Variants in CYP39A1 observed in about 807,000 individuals in gnomAD.
CYP39A1 encodes 24-hydroxycholesterol 7-alpha-hydroxylase.
In CYP39A1, 49 loss-of-function variants were observed where a neutral mutation model predicts 58.1. The ratio of observed to expected loss-of-function variants is 0.84; its 90% CI spans 0.67 to 1.07. The LOEUF is 1.07. CYP39A1 is among the 50% of genes least tolerant of loss of function. The pLI is 0.00. For missense variants in CYP39A1, 531 were observed against 539.4 expected (o/e 0.98, Z 0.16); for synonymous variants, 209 against 187.6 (o/e 1.11, Z -0.93).
intron 10 of CYP39A1, among the ~76,000 whole-genome samples, chr6:46,565,131 G>T (rs1771208492): frequency 6.6e-6 from 1 of 152,114 alleles, no homozygotes; most frequent in South Asian, 2.1e-4. Flanking sequence ...CCAGGAACTT[G>T]CATTTATTAC....
intron 7 of CYP39A1, among the ~76,000 whole-genome samples, chr6:46,613,970 T>C (rs1163022615): frequency 4.1e-5 from 6 of 147,422 alleles, no homozygotes; most frequent in Non-Finnish European, 7.5e-5. Context: ...CATCTAAATA[T>C]GTACTCTAAA....
intron 1 of CYP39A1, among the ~76,000 whole-genome samples, chr6:46,645,802 T>C (rs1293106062): frequency 6.6e-6 from 1 of 152,128 alleles, no homozygotes; most frequent in Non-Finnish European, 1.5e-5. Flanking sequence ...GAACACAGTA[T>C]GTTTCTCCCT....
chr6:46,652,325 T>G (rs1762747237), intron 1 of CYP39A1, 81 bp downstream of exon 1: 1 of 1,379,690 alleles, frequency 7.2e-7, no homozygotes, highest in African/African-American at 1.5e-5. Flanking sequence ...GTTCTAGCCC[T>G]GCACTTAAGA....
rs149707734 is a variant in CYP39A1 at position 46,632,010 on chromosome 6, C to T, written c.733-940G>A. On this transcript the variant is annotated intron_variant, in intron 5 of 11. Coordinates refer to ENST00000275016, the MANE Select transcript of CYP39A1 (RefSeq NM_016593.5). ...AATGGGAGCTAATATCAACTCACTG[C>T]TTGCTAAGGGCAAGTACTGTTTTAA... Among the ~76,000 whole-genome samples, 619 of 152,300 alleles carry T rather than the reference C, an allele frequency of 4.1e-3. 1 individual carries two copies. Among genetic ancestry groups the T allele is most frequent in the Non-Finnish European group, 5.8e-3 (396 of 68,028 alleles).
intron 1 of CYP39A1, among the ~76,000 whole-genome samples, chr6:46,646,901 G>T (rs1762363879): frequency 6.6e-6 from 1 of 151,902 alleles, no homozygotes; most frequent in Non-Finnish European, 1.5e-5. Flanking sequence ...GATATTCCCT[G>T]TTTCATTCAA....
intron 10 of CYP39A1, 29 bp from the exon 11 acceptor site, chr6:46,553,883 G>C (rs1256648387): frequency 3.6e-6 from 5 of 1,375,590 alleles, no homozygotes; most frequent in African/African-American, 2.9e-5. Context: ...ATTGTTACTT[G>C]ATTGTGAAAG....
At chr6:46,593,365 A>G (rs988931213) in intron 8 of CYP39A1, among the ~76,000 whole-genome samples, 1 of 152,122 alleles carries the variant, frequency 6.6e-6, no homozygotes, top group African/African-American at 2.4e-5. Context: ...AACTCCCTTT[A>G]TAACATAATC....
At chr6:46,607,572 A>T (rs1202510482) in intron 7 of CYP39A1, among the ~76,000 whole-genome samples, 1 of 152,116 alleles carries the variant, frequency 6.6e-6, no homozygotes, top group African/African-American at 2.4e-5. Context: ...ATTCATTAAA[A>T]ATTTAACTAA....
At chr6:46,594,876 C>T (rs1187505567) in intron 8 of CYP39A1, among the ~76,000 whole-genome samples, 3 of 151,760 alleles carry the variant, frequency 2.0e-5, no homozygotes, top group African/African-American at 7.3e-5. Context: ...GAAGAGACAA[C>T]CTAATGGGGG....
chr6:46,550,337 G>T lies in CYP39A1; in HGVS notation c.*29C>A, dbSNP rs369717290. On this transcript the variant is annotated 3_prime_UTR_variant, in exon 12 of 12. Coordinates refer to ENST00000275016, the MANE Select transcript of CYP39A1 (RefSeq NM_016593.5). ...TGGGGTAGTGCCACTCCTCCAGAAG[G>T]CCCTGGTCCTTGTGAGGCCCAACAG... 4 of 1,602,386 alleles carry T rather than the reference G, an allele frequency of 2.5e-6. No homozygotes were observed. Among genetic ancestry groups the T allele is most frequent in the Non-Finnish European group, 3.4e-6 (4 of 1,171,970 alleles).
At chr6:46,614,768 G>A (rs1416139460) in intron 7 of CYP39A1, among the ~76,000 whole-genome samples, 2 of 152,140 alleles carry the variant, frequency 1.3e-5, no homozygotes, top group East Asian at 3.8e-4. Context: ...TTAAAAGTTT[G>A]TTAAGTAGTT....
At chr6:46,621,721 T>TCATCA in intron 7 of CYP39A1, among the ~76,000 whole-genome samples, 1 of 152,162 alleles carries the variant, frequency 6.6e-6, no homozygotes, top group South Asian at 2.1e-4. Context: ...ATTGGTGAAT[T>TCATCA]CTACCATATG....
chr6:46,588,163 T>C (rs1159913266), intron 8 of CYP39A1, 34 bp from the exon 9 acceptor site: 2 of 1,363,878 alleles, frequency 1.5e-6, no homozygotes, highest in Admixed American at 1.9e-5. Flanking sequence ...AATCATTTTT[T>C]TGAAATATAC....
chr6:46,567,095 T>G (rs1561954340), intron 10 of CYP39A1, among the ~76,000 whole-genome samples: 1 of 152,080 alleles, frequency 6.6e-6, no homozygotes, highest in Non-Finnish European at 1.5e-5. Flanking sequence ...TCTCCAGAAC[T>G]TATTAATCTT....
chr6:46,644,090 G>A (rs1429784883), intron 1 of CYP39A1, among the ~76,000 whole-genome samples: 2 of 152,076 alleles, frequency 1.3e-5, no homozygotes, highest in Non-Finnish European at 2.9e-5. Flanking sequence ...TCACCACAAA[G>A]ATCTTAAATG....
intron 7 of CYP39A1, among the ~76,000 whole-genome samples, chr6:46,596,954 C>G (rs1773205145): frequency 6.6e-6 from 1 of 152,110 alleles, no homozygotes; most frequent in Non-Finnish European, 1.5e-5. Flanking sequence ...TTAATTAAGT[C>G]AACGCATTTC....
At chr6:46,573,905 T>A (rs1771720131) in intron 10 of CYP39A1, among the ~76,000 whole-genome samples, 1 of 152,216 alleles carries the variant, frequency 6.6e-6, no homozygotes, top group Non-Finnish European at 1.5e-5. Context: ...CAAGATTTCA[T>A]GGAGTTCAAT....
chr6:46,616,190 C>T (rs1445055515), intron 7 of CYP39A1, among the ~76,000 whole-genome samples: 2 of 5,816 alleles, frequency 3.4e-4, no homozygotes, highest in Non-Finnish European at 6.2e-4. Context: ...TTTCTTTCTT[C>T]TTTCCCTCCC....
intron 6 of CYP39A1, among the ~76,000 whole-genome samples, chr6:46,626,907 A>C (rs530891193): frequency 9.8e-5 from 15 of 152,304 alleles, no homozygotes; most frequent in Non-Finnish European, 2.2e-4. Flanking sequence ...ATAAGACATA[A>C]TGTATTAGTC....
Sources: allele counts gnomAD v4.1 joint callset (sites outside exome capture counted in the v4.1 genomes callset), GRCh38; gene constraint gnomAD v4.1.1; transcripts MANE v1.5; gene names NCBI Gene and HGNC (gene_info 2026-07-23, HGNC 2026-07-21).